Variants in CEACAM3 observed in about 807,000 individuals in gnomAD.
CEACAM3 encodes the protein CEA cell adhesion molecule 3, also known as cell adhesion molecule CEACAM3.
CEACAM3 carries 32 observed loss-of-function variants against 30.1 expected under a neutral mutation model. The observed-to-expected ratio is 1.06, with a 90% CI of 0.80 to 1.43. The LOEUF is 1.43. CEACAM3 is among the 40% of genes most tolerant of loss of function. CEACAM3 has a pLI of 0.00. For synonymous variants in CEACAM3, 134 were observed against 127.2 expected, an observed-to-expected ratio of 1.05 and a Z score of -0.36; for missense variants, 290 against 316.3, an observed-to-expected ratio of 0.92 and a Z score of 0.63.
chr19:41,807,755 C>A, intron 2 of CEACAM3: 1 of 573,974 alleles, frequency 1.7e-6, no homozygotes, highest in Non-Finnish European at 2.7e-6. Context: ...TCATCTATGA[C>A]TTTATTCTCG....
chr19:41,797,335 G>C (rs1026505756), intron 1 of CEACAM3: 8 of 494,036 alleles, frequency 1.6e-5, no homozygotes, highest in African/African-American at 1.3e-4. Flanking sequence ...TCCCAAGGAT[G>C]CCCTGATGTG....
rs1555825393 is a variant in CEACAM3, at chr19:41,797,700, C to T, written c.176C>T (p.Pro59Leu). The T allele has an allele frequency of 6.2e-7, 1 of 1,614,034 alleles. No individual in the cohort carries two copies. The highest frequency in any genetic ancestry group is 1.7e-5 in the Admixed American group (1 of 60,014). The change falls in exon 2 of 7, where the codon CCC (proline) becomes CTC (leucine). Residue 59 changes from proline (P) to leucine (L), a missense_variant. Pro to Leu is a moderately conservative substitution (Grantham distance 98). Coordinates refer to ENST00000357396, the MANE Select transcript of CEACAM3 (RefSeq NM_001815.5). ...KEVLLLVHNL[P>L]QHLFGYSWYK... ...GTGCTTCTACTTGTCCACAATCTGC[C>T]CCAGCATCTTTTTGGCTACAGCTGG...
At position 41,811,263 on chromosome 19, in the gene CEACAM3, G is replaced by A; in HGVS notation, c.*26G>A. ...CTTCCTCCAGGAGCTGCTCCTGTGT[G>A]TTGATGGAGAGTCCCCAAGGCCCCC... is the stretch of plus-strand genomic sequence containing the variant. On this transcript the variant is annotated 3_prime_UTR_variant, in exon 7 of 7. Transcript: ENST00000357396. 1 of 1,604,220 alleles carries A rather than the reference G, an allele frequency of 6.2e-7. No homozygotes were observed. The highest frequency in any genetic ancestry group is 1.1e-5 in the South Asian group (1 of 90,864).
chr19:41,805,164 C>T (rs1398283348), intron 2 of CEACAM3, among the ~76,000 whole-genome samples: 1 of 152,038 alleles, frequency 6.6e-6, no homozygotes, highest in Non-Finnish European at 1.5e-5. Flanking sequence ...ATTATAGACA[C>T]CAAGCTGTAC....
intron 1 of CEACAM3, 32 bp downstream of exon 1, chr19:41,796,773 G>A (rs1568737091): frequency 6.3e-7 from 1 of 1,599,212 alleles, no homozygotes; most frequent in Admixed American, 1.7e-5. Context: ...GTGGGCAAGA[G>A]GAGGGATCAC....
chr19:41,798,720 C>T (rs1358990359), intron 2 of CEACAM3, among the ~76,000 whole-genome samples: 1 of 152,244 alleles, frequency 6.6e-6, no homozygotes, highest in Non-Finnish European at 1.5e-5. Flanking sequence ...TCAGGGACCT[C>T]TCTTTTGGAG....
rs2073175809 is a variant in CEACAM3, at chr19:41,803,755, C to CCAGTCACGCTGA, written c.425-5058_425-5057insCAGTCACGCTGA. ...TGCTGGGATTACAGGCATGAGCCAC[C>CCAGTCACGCTGA]ATGCCCGGCCTGAAACAGCAAAGCT... On this transcript the variant is annotated intron_variant, in intron 2 of 6. Transcript: ENST00000357396. Among the ~76,000 whole-genome samples the CCAGTCACGCTGA allele has an allele frequency of 1.4e-4, 13 of 93,878 alleles. 2 individuals are homozygous for CCAGTCACGCTGA. The highest frequency in any genetic ancestry group is 3.1e-4 in the Non-Finnish European group (11 of 35,396). The allele number at this position is 93,878 out of a possible 152,430, so 61.6% of individuals were successfully genotyped here.
Position 41,808,804 on chromosome 19 carries a change from T to C in CEACAM3, c.425-9T>C. 6.2e-7 allele frequency: 1 copy of C among 1,612,256 alleles called. No homozygotes were observed. The highest frequency in any genetic ancestry group is 8.5e-7 in the Non-Finnish European group (1 of 1,178,604). On this transcript the variant is annotated splice_polypyrimidine_tract_variant and intron_variant, in intron 2 of 6. Transcript: ENST00000357396. The stretch of plus-strand genomic sequence containing the variant: ...GGCCTCTATCCCCTTTGCCTTCTTC[T>C]TTCTGCAGAAGAAAATGCCCCAGGC...
intron 2 of CEACAM3, among the ~76,000 whole-genome samples, chr19:41,801,383 G>A (rs2073145488): frequency 1.3e-5 from 2 of 152,286 alleles, no homozygotes; most frequent in South Asian, 4.1e-4. Flanking sequence ...CCTTCTTGAG[G>A]CCAACATGTG....
At chr19:41,797,455 C>T (rs1724406237) in intron 1 of CEACAM3, 134 bp from the exon 2 acceptor site, 3 of 1,171,756 alleles carry the variant, frequency 2.6e-6, no homozygotes, top group African/African-American at 1.5e-5. Context: ...GGTCACGTTA[C>T]TGACCTTGAC....
In CEACAM3 at chr19:41,797,930, G is replaced by T; in HGVS notation, c.406G>T (p.Gly136Ter). 1 of 1,607,678 alleles carries T rather than the reference G, an allele frequency of 6.2e-7. No individual in the cohort carries two copies. The highest frequency in any genetic ancestry group is 2.2e-5 in the East Asian group (1 of 44,876). Reference sequence around the variant, plus strand: ...AGATCTTGTGAATGAAGAAGCAACTGGACAGTTCCATGTATACCGTGAGTA... The same window carrying T: ...AGATCTTGTGAATGAAGAAGCAACTTGACAGTTCCATGTATACCGTGAGTA... ...KSDLVNEEAT[G>*]QFHVYQENAP... Residue 136 changes from glycine (G) to a stop codon, truncating the protein, a stop_gained, in exon 2 of 7, where the codon GGA (glycine) becomes TGA (stop). Coordinates refer to ENST00000357396, the MANE Select transcript of CEACAM3 (RefSeq NM_001815.5). LOFTEE classifies it high-confidence loss of function.
At chr19:41,802,621 T>C (rs112042079) in intron 2 of CEACAM3, among the ~76,000 whole-genome samples, 269 of 152,284 alleles carry the variant, frequency 1.8e-3, no homozygotes, top group African/African-American at 6.2e-3. Flanking sequence ...AGGGACTCTT[T>C]TGTGAGTCTT....
chr19:41,797,636 A>T lies in CEACAM3; in HGVS notation c.112A>T (p.Ile38Phe). The stretch of plus-strand genomic sequence containing the variant: ...CCCGCCCACCACTGCCAAGCTCACT[A>T]TTGAATCCATGCCGCTCAGTGTCGC... The part of the protein sequence containing the change: ...WNPPTTAKLT[I>F]ESMPLSVAEG... The change falls in exon 2 of 7, where the codon ATT (isoleucine) becomes TTT (phenylalanine). Residue 38 changes from isoleucine (I) to phenylalanine (F), a missense_variant. Ile to Phe is a conservative substitution (Grantham distance 21). Transcript: ENST00000357396. 6.2e-7 allele frequency: 1 copy of T among 1,614,130 alleles called. No individual in the cohort carries two copies.
intron 2 of CEACAM3, among the ~76,000 whole-genome samples, chr19:41,802,128 A>G (rs569899873): frequency 7.6e-4 from 116 of 152,036 alleles, no homozygotes; most frequent in African/African-American, 2.7e-3. Context: ...AAGTGGTTTC[A>G]CTCTCTACAA....
At chr19:41,797,069 A>G (rs948715130) in intron 1 of CEACAM3, 1 of 285,814 alleles carries the variant, frequency 3.5e-6, no homozygotes, top group Admixed American at 4.6e-5. Flanking sequence ...ACCACCAACC[A>G]CAAGTTGCAA....
Position 41,797,782 on chromosome 19 carries a change from T to G in CEACAM3, c.258T>G (p.Thr86=), listed in dbSNP as rs782704278. ...TAATTGTAGGATATGTAATAGGAAC[T>G]CAACAAGCTACCCCAGGGGCCGCAT... The part of the protein sequence containing the change: ...NSLIVGYVIG[T]QQATPGAAYS... The change falls in exon 2 of 7, where the codon ACT becomes ACG. Residue 86 remains threonine (T), a synonymous_variant. Coordinates refer to ENST00000357396, the MANE Select transcript of CEACAM3 (RefSeq NM_001815.5). The G allele has an allele frequency of 3.1e-6, 5 of 1,612,026 alleles. No individual in the cohort carries two copies. Among genetic ancestry groups the G allele is most frequent in the Non-Finnish European group, 4.2e-6 (5 of 1,179,958 alleles).
chr19:41,810,201 A>G, intron 4 of CEACAM3, 122 bp from the exon 5 acceptor site: 2 of 1,379,452 alleles, frequency 1.4e-6, no homozygotes, highest in Non-Finnish European at 2.0e-6. Context: ...GCTCTGGGTC[A>G]TGGGTCACCT....
rs145752372 is a variant in CEACAM3, at chr19:41,808,940, CT to C, written c.542+15del. 4.0e-3 allele frequency: 6,119 copies of C among 1,548,334 alleles called. 187 individuals are homozygous for C. The African/African-American group carries it at 0.069, about 17-fold the overall frequency. ...TTGCCAAAACTGGAAGGTACCACAG[CT>C]TTTTCCCATCCTTCTCCCACCCCCT... On this transcript the variant is annotated intron_variant, in intron 3 of 6. Coordinates refer to ENST00000357396, the MANE Select transcript of CEACAM3 (RefSeq NM_001815.5).
chr19:41,809,990 G>A lies in CEACAM3; in HGVS notation c.568G>A (p.Glu190Lys), dbSNP rs782093115. ...GRTSIQRDLK[E>K]QQPQALAPGR... Reference sequence around the variant, plus strand: ...AACCAGCATCCAGCGTGACCTCAAGGAGCAGCAGCCCCAAGCCCTTGCCCC... The same window carrying A: ...AACCAGCATCCAGCGTGACCTCAAGAAGCAGCAGCCCCAAGCCCTTGCCCC... Residue 190 changes from glutamate (E) to lysine (K), a missense_variant, in exon 4 of 7, where the codon GAG becomes AAG. By Grantham distance (56) the Glu-to-Lys change is moderately conservative. Transcript: ENST00000357396. The A allele has an allele frequency of 6.2e-7, 1 of 1,613,918 alleles. No homozygotes were observed. The highest frequency in any genetic ancestry group is 8.5e-7 in the Non-Finnish European group (1 of 1,179,892).
Sources: gnomAD v4.1 joint callset for allele counts (sites outside exome capture counted in the v4.1 genomes callset) on GRCh38, gnomAD v4.1.1 for gene constraint, MANE v1.5 for transcripts, NCBI Gene and HGNC (gene_info 2026-07-23, HGNC 2026-07-21) for gene names.